Variants in LPAR6 observed in about 807,000 individuals in gnomAD.
LPAR6 encodes the protein G-protein coupled purinergic receptor P2Y5.
LPAR6 carries 17 observed loss-of-function variants against 22.0 expected under a neutral mutation model. The ratio of observed to expected loss-of-function variants is 0.77; its 90% CI spans 0.53 to 1.16. LPAR6 has a LOEUF of 1.16. Among genes scored for constraint, LPAR6 ranks in the 50% most tolerant of loss-of-function variants. The pLI, the probability that LPAR6 is intolerant of heterozygous loss-of-function variation, is 0.00. For synonymous variants in LPAR6, 136 were observed against 139.8 expected (o/e 0.97, Z 0.19); for missense variants, 384 against 406.9 (o/e 0.94, Z 0.48).
chr13:48,401,813 A>C (rs1948694596), intron 1 of LPAR6, among the ~76,000 whole-genome samples: 2 of 152,168 alleles, frequency 1.3e-5, no homozygotes, highest in African/African-American at 4.8e-5. Context: ...TTACTTTGCT[A>C]AGTTTCAGTG....
rs747338465 is a variant in LPAR6 at position 48,412,067 on chromosome 13, G to A, written c.357C>T (p.Val119=). Reference sequence around the variant, plus strand: ...TTAGAGTCTTTGACTTAAATGGGTAGACAATTGCCAGAAATCGATCTACAC... The same window carrying A: ...TTAGAGTCTTTGACTTAAATGGGTAAACAATTGCCAGAAATCGATCTACAC... The part of the protein sequence containing the change: ...CISVDRFLAI[V]YPFKSKTLRT... The change falls in exon 1 of 1, where the codon GTC becomes GTT. Residue 119 remains valine, a synonymous_variant. Coordinates refer to ENST00000620633, the MANE Select transcript of LPAR6 (RefSeq NM_001162498.3). 4.3e-6 allele frequency: 7 copies of A among 1,612,694 alleles called. No individual in the cohort carries two copies. In the South Asian group the frequency reaches 7.7e-5, roughly 18 times the overall value.
At chr13:48,441,021 G>C (rs1949231706) in intron 1 of LPAR6, among the ~76,000 whole-genome samples, 1 of 152,182 alleles carries the variant, frequency 6.6e-6, no homozygotes, top group African/African-American at 2.4e-5. Flanking sequence ...TTAATCATTA[G>C]ATTTTCTGAA....
chr13:48,395,117 G>A (rs1390304299), intron 1 of LPAR6, among the ~76,000 whole-genome samples: 2 of 152,144 alleles, frequency 1.3e-5, no homozygotes. Context: ...GTCTGGAGTG[G>A]ACCTCCAGCA....
chr13:48,430,749 A>C (rs3020645), upstream of LPAR6, among the ~76,000 whole-genome samples: 33,591 of 87,910 alleles, frequency 0.38, 3,921 homozygotes, highest in Non-Finnish European at 0.52. Flanking sequence ...CAAAAACAAA[A>C]AAACAAACAA....
At chr13:48,390,086 G>A (rs1246401159) in intron 1 of LPAR6, among the ~76,000 whole-genome samples, 1 of 152,138 alleles carries the variant, frequency 6.6e-6, no homozygotes, top group Non-Finnish European at 1.5e-5. Context: ...TGTTAAGGCT[G>A]CAGTGAGCTG....
At chr13:48,395,534 A>T (rs1429628679) in intron 1 of LPAR6, among the ~76,000 whole-genome samples, 3 of 152,114 alleles carry the variant, frequency 2.0e-5, no homozygotes, top group African/African-American at 7.2e-5. Flanking sequence ...GAAGAACATA[A>T]ATGACCTGAC....
At chr13:48,435,824 C>G (rs2138291296) in intron 1 of LPAR6, among the ~76,000 whole-genome samples, 1 of 152,112 alleles carries the variant, frequency 6.6e-6, no homozygotes, top group African/African-American at 2.4e-5. Flanking sequence ...TATCCTTTTT[C>G]TATTGATTTG....
intron 2 of LPAR6, among the ~76,000 whole-genome samples, chr13:48,422,283 C>T (rs913425266): frequency 1.3e-5 from 2 of 152,046 alleles, no homozygotes; most frequent in African/African-American, 2.4e-5. Context: ...AACCAAACAC[C>T]GCATGTTCTC....
At chr13:48,435,406 G>T (rs1301717733) in intron 1 of LPAR6, among the ~76,000 whole-genome samples, 1 of 152,030 alleles carries the variant, frequency 6.6e-6, no homozygotes, top group African/African-American at 2.4e-5. Flanking sequence ...CTCATTTTCT[G>T]ATTGGATTGT....
rs74733446 is a variant in LPAR6, at chr13:48,401,875, A to C, written n.115-12063T>G. On this transcript the variant is annotated intron_variant and non_coding_transcript_variant, in intron 1 of 1. Coordinates refer to the LPAR6 transcript ENST00000462781. The stretch of plus-strand genomic sequence containing the variant: ...CAAATTTATCTTTAAGATTTTGATT[A>C]TATTCCTTAAGAATTCTTCAAAGAC... Among the ~76,000 whole-genome samples, 1,766 of 152,284 alleles carry C rather than the reference A, an allele frequency of 0.012. 66 individuals are homozygous for C. The East Asian group carries it at 0.12, about 10-fold the overall frequency.
At chr13:48,430,949 G>A (rs550205133), upstream of LPAR6, among the ~76,000 whole-genome samples, 119 of 152,154 alleles carry the variant, frequency 7.8e-4, no homozygotes, top group Non-Finnish European at 1.2e-3. Context: ...TTTAAAAATA[G>A]CAGTAGAGGC....
chr13:48,394,525 C>T (rs1384262184), intron 1 of LPAR6, among the ~76,000 whole-genome samples: 1 of 152,196 alleles, frequency 6.6e-6, no homozygotes, highest in African/African-American at 2.4e-5. Flanking sequence ...GCTGCCATCA[C>T]AGCAGTCTGA....
downstream of LPAR6, among the ~76,000 whole-genome samples, chr13:48,409,671 C>T (rs1309826730): frequency 2.1e-5 from 3 of 140,026 alleles, no homozygotes; most frequent in Non-Finnish European, 4.5e-5. Context: ...ACCTCTGACT[C>T]CTGGGTTCAA....
chr13:48,411,137 A>C (rs984728733), downstream of LPAR6: 2 of 350,650 alleles, frequency 5.7e-6, no homozygotes, highest in East Asian at 1.0e-4. Context: ...TAGACACTAA[A>C]TAACTTTAAG....
chr13:48,429,589 TAAAA>T (rs940272015), upstream of LPAR6: 1 of 145,482 alleles, frequency 6.9e-6, no homozygotes, highest in Non-Finnish European at 1.5e-5. Flanking sequence ...AACTTAGAAC[TAAAA>T]AAAAAACAAA....
chr13:48,432,679 A>G (rs964530745), intron 1 of LPAR6, among the ~76,000 whole-genome samples: 2 of 152,120 alleles, frequency 1.3e-5, no homozygotes, highest in Admixed American at 1.3e-4. Context: ...GACATCTGAC[A>G]GCCTATGTCA....
downstream of LPAR6, among the ~76,000 whole-genome samples, chr13:48,409,067 T>A (rs527527439): frequency 4.5e-4 from 68 of 152,158 alleles, no homozygotes; most frequent in African/African-American, 1.6e-3. Context: ...GAAAACACAT[T>A]TATATTATGT....
At chr13:48,425,052 CA>C (rs933328070) in intron 1 of LPAR6, among the ~76,000 whole-genome samples, 1 of 144,444 alleles carries the variant, frequency 6.9e-6, no homozygotes. Context: ...GACTCTGTCT[CA>C]AAAAAAAAGA....
intron 2 of LPAR6, among the ~76,000 whole-genome samples, chr13:48,422,453 G>A (rs1300609372): frequency 3.3e-5 from 5 of 152,080 alleles, no homozygotes; most frequent in Non-Finnish European, 5.9e-5. Flanking sequence ...ACCATGGCAC[G>A]TGTATACCTA....
Sources: allele counts gnomAD v4.1 joint callset (sites outside exome capture counted in the v4.1 genomes callset), GRCh38; gene constraint gnomAD v4.1.1; transcripts MANE v1.5; gene names NCBI Gene and HGNC (gene_info 2026-07-23, HGNC 2026-07-21).